The following IL1RAPL1 variants were observed in gnomAD, a reference collection of about 807,000 sequenced individuals.
IL1RAPL1 encodes interleukin-1 receptor accessory protein-like 1.
A neutral mutation model predicts 48.4 loss-of-function variants in IL1RAPL1; 3 were observed. The observed-to-expected ratio is 0.06, with a 90% CI of 0.03 to 0.16. The LOEUF is 0.16. Ranked by LOEUF, IL1RAPL1 falls within the 10% of genes least tolerant of loss-of-function variation. IL1RAPL1 has a pLI of 1.00. For missense variants in IL1RAPL1, 349 were observed against 530.6 expected (o/e 0.66, Z 3.36); for synonymous variants, 185 against 187.7 (o/e 0.99, Z 0.12).
intron 5 of IL1RAPL1, among the ~76,000 whole-genome samples, chrX:29,436,148 A>G (rs1934479731): frequency 9.1e-6 from 1 of 110,075 alleles, no homozygotes; most frequent in East Asian, 2.8e-4. Flanking sequence ...GCAAGGCAAC[A>G]AAAAAGATAA....
At chrX:29,807,639 AAAAAAAAAAAT>A (rs1930286739) in intron 6 of IL1RAPL1, among the ~76,000 whole-genome samples, 1 of 105,731 alleles carries the variant, frequency 9.5e-6, no homozygotes, top group African/African-American at 3.5e-5. Flanking sequence ...AAAAAAAAAA[AAAAAAAAAAAT>A]GAAAGGGAGG....
rs560107095 is a variant in IL1RAPL1, at chrX:29,562,115, AATCTATCTATCTATCT to A, written c.704-106265_704-106250del. ...TGTCTATCTATCTATCTATCTATCT[AATCTATCTATCTATCT>A]ATCTATCTATCTATCTATCTATCTA... On this transcript the variant is annotated intron_variant, in intron 5 of 10. Coordinates refer to ENST00000378993, the MANE Select transcript of IL1RAPL1 (RefSeq NM_014271.4). Among the ~76,000 whole-genome samples the A allele has an allele frequency of 6.3e-3, 377 of 59,931 alleles. 2 individuals are homozygous for A. Among genetic ancestry groups the A allele is most frequent in the African/African-American group, 0.016 (217 of 13,744 alleles). 52.0% of individuals were successfully genotyped at this position (59,931 alleles called of 115,157 possible). A position where few individuals can be genotyped will look rare whatever the true frequency, so the allele number is the denominator to read the frequency against.
At chrX:28,853,275 G>A (rs1282795118) in intron 2 of IL1RAPL1, among the ~76,000 whole-genome samples, 1 of 111,318 alleles carries the variant, frequency 9.0e-6, no homozygotes, top group Non-Finnish European at 1.9e-5. Flanking sequence ...TTAGTGAAGG[G>A]GGCCTAAAAT....
At chrX:28,613,015 T>A (rs1934170873) in intron 1 of IL1RAPL1, among the ~76,000 whole-genome samples, 1 of 111,858 alleles carries the variant, frequency 8.9e-6, no homozygotes, top group Admixed American at 9.5e-5. Flanking sequence ...TAGGGACTCT[T>A]GTCATATAGA....
At position 29,355,845 on chromosome X, in the gene IL1RAPL1, C is replaced by A. The variant is rs374251327; in HGVS notation, c.363-40413C>A. ...AGAAGTTGAAGTATTATTGATAAGG[C>A]TTTTGAAGACTATTTTGTTCATTAA... is the stretch of plus-strand genomic sequence containing the variant. On this transcript the variant is annotated intron_variant, in intron 3 of 10. Coordinates refer to ENST00000378993, the MANE Select transcript of IL1RAPL1 (RefSeq NM_014271.4). 1.9e-4 allele frequency among the ~76,000 whole-genome samples: 20 copies of A among 106,998 alleles called. No homozygotes were observed. The East Asian group carries it at 5.7e-3, about 31-fold the overall frequency. 92.9% of individuals were successfully genotyped at this position (106,998 alleles called of 115,157 possible).
intron 2 of IL1RAPL1, among the ~76,000 whole-genome samples, chrX:28,810,769 T>G (rs1375206694): frequency 4.5e-5 from 5 of 110,055 alleles, no homozygotes; most frequent in Admixed American, 9.7e-5. Flanking sequence ...TCAAATTGAT[T>G]GAAATTTGCT....
At chrX:29,094,870 T>A (rs1468178299) in intron 2 of IL1RAPL1, among the ~76,000 whole-genome samples, 1 of 102,404 alleles carries the variant, frequency 9.8e-6, no homozygotes, top group Non-Finnish European at 2.0e-5. Flanking sequence ...CAACTACTGA[T>A]CTCACTGCCT....
chrX:28,713,026 C>T (rs1249375364), intron 1 of IL1RAPL1, among the ~76,000 whole-genome samples: 4 of 110,851 alleles, frequency 3.6e-5, no homozygotes, highest in Non-Finnish European at 7.5e-5. Flanking sequence ...TCTATAATGC[C>T]TTTAAAAATA....
chrX:28,611,618 A>C, intron 1 of IL1RAPL1, among the ~76,000 whole-genome samples: 1 of 113,106 alleles, frequency 8.8e-6, no homozygotes, highest in Non-Finnish European at 1.9e-5. Context: ...TGCCATTTCC[A>C]TTCTGTAAAT....
chrX:29,566,516 G>C (rs1434459884), intron 5 of IL1RAPL1, among the ~76,000 whole-genome samples: 1 of 112,047 alleles, frequency 8.9e-6, no homozygotes, highest in East Asian at 2.8e-4. Context: ...AACTAATTGA[G>C]GGATAAATAG....
chrX:29,019,162 T>G (rs1413609762), intron 2 of IL1RAPL1, among the ~76,000 whole-genome samples: 8 of 110,955 alleles, frequency 7.2e-5, no homozygotes, highest in Non-Finnish European at 1.5e-4. Flanking sequence ...ATGATTCAAT[T>G]ATCTCCAACG....
intron 6 of IL1RAPL1, among the ~76,000 whole-genome samples, chrX:29,732,419 C>T (rs1020322532): frequency 1.8e-5 from 2 of 111,627 alleles, no homozygotes; most frequent in Non-Finnish European, 3.8e-5. Flanking sequence ...ATAAAAGTCA[C>T]GATCCATTAG....
chrX:29,308,167 G>A (rs764331121), intron 3 of IL1RAPL1, among the ~76,000 whole-genome samples: 1 of 111,778 alleles, frequency 8.9e-6, no homozygotes, highest in South Asian at 3.8e-4. Context: ...ATTTAGATTA[G>A]AGGCTCACAT....
intron 3 of IL1RAPL1, among the ~76,000 whole-genome samples, chrX:29,303,055 G>A (rs766307740): frequency 4.5e-5 from 5 of 111,984 alleles, no homozygotes; most frequent in Non-Finnish European, 9.4e-5. Context: ...TCTTCTACTA[G>A]GAATCTTAGT....
chrX:29,112,793 GTTTT>G (rs774106013), intron 2 of IL1RAPL1, among the ~76,000 whole-genome samples: 1 of 71,315 alleles, frequency 1.4e-5, no homozygotes, highest in African/African-American at 6.0e-5. Context: ...GTCAACTTTG[GTTTT>G]TTTTTTTTTT....
chrX:29,639,453 G>T (rs1209934184), intron 5 of IL1RAPL1, among the ~76,000 whole-genome samples: 1 of 110,680 alleles, frequency 9.0e-6, no homozygotes, highest in Non-Finnish European at 1.9e-5. Flanking sequence ...CTTTGAAACA[G>T]TTGGTTTCAG....
intron 5 of IL1RAPL1, among the ~76,000 whole-genome samples, chrX:29,634,434 G>A (rs944810711): frequency 8.1e-5 from 9 of 111,400 alleles, no homozygotes; most frequent in African/African-American, 2.9e-4. Context: ...TGCTGAGGGA[G>A]GGTGAGTTAC....
At chrX:28,969,828 C>CAT (rs762773500) in intron 2 of IL1RAPL1, among the ~76,000 whole-genome samples, 2 of 90,830 alleles carry the variant, frequency 2.2e-5, no homozygotes. Flanking sequence ...TCTTTAGAAA[C>CAT]ATATATATGT....
intron 1 of IL1RAPL1, among the ~76,000 whole-genome samples, chrX:28,726,350 A>G (rs1935676676): frequency 8.9e-6 from 1 of 112,444 alleles, no homozygotes; most frequent in African/African-American, 3.2e-5. Context: ...TTAATAACAC[A>G]CACTACTTGA....
Sources: gnomAD v4.1 joint callset for allele counts (sites outside exome capture counted in the v4.1 genomes callset) on GRCh38, gnomAD v4.1.1 for gene constraint, MANE v1.5 for transcripts, NCBI Gene and HGNC (gene_info 2026-07-23, HGNC 2026-07-21) for gene names.